PPP2R2A: variants seen among roughly 807,000 people sequenced by gnomAD.
The protein encoded by PPP2R2A is serine/threonine-protein phosphatase 2A 55 kDa regulatory subunit B alpha isoform.
A neutral mutation model predicts 53.2 loss-of-function variants in PPP2R2A; 9 were observed. That is an observed-to-expected ratio of 0.17 (90% CI 0.10 to 0.30). PPP2R2A has a LOEUF of 0.30. Among genes scored for constraint, PPP2R2A ranks in the 10% least tolerant of loss-of-function variants. PPP2R2A has a pLI of 1.00. For missense variants in PPP2R2A, 235 were observed against 534.6 expected (o/e 0.44, Z 5.53); for synonymous variants, 169 against 174.2 (o/e 0.97, Z 0.23).
At chr8:26,345,943 T>C (rs1209546624) in intron 3 of PPP2R2A, among the ~76,000 whole-genome samples, 1 of 152,144 alleles carries the variant, frequency 6.6e-6, no homozygotes, top group Non-Finnish European at 1.5e-5. Context: ...GCTTTGTTGA[T>C]TGGCTGCCTT....
rs372281814 is a variant in PPP2R2A, at chr8:26,366,307, T to C, written c.973-8T>C. ...TTTCAGTGCAGTATATTTGTATTTT[T>C]CCCCCAGGTGCATGAATACCTCAGA... On this transcript the variant is annotated splice_polypyrimidine_tract_variant and splice_region_variant and intron_variant, in intron 8 of 9. Transcript: ENST00000380737. 40 of 1,591,926 alleles carry C rather than the reference T, an allele frequency of 2.5e-5. No individual in the cohort carries two copies. Among genetic ancestry groups the C allele is most frequent in the Non-Finnish European group, 8.5e-6 (10 of 1,170,318 alleles).
intron 2 of PPP2R2A, among the ~76,000 whole-genome samples, chr8:26,329,027 T>C (rs1803234614): frequency 6.6e-6 from 1 of 152,198 alleles, no homozygotes; most frequent in Admixed American, 6.5e-5. Flanking sequence ...TTGGTTAGTT[T>C]ATAGTGATAA....
intron 3 of PPP2R2A, among the ~76,000 whole-genome samples, chr8:26,343,206 C>A (rs941866019): frequency 3.3e-5 from 5 of 151,600 alleles, no homozygotes; most frequent in Admixed American, 2.6e-4. Flanking sequence ...AAATAAAATA[C>A]AGATTTCTAT....
chr8:26,364,543 G>C (rs1460073940), intron 8 of PPP2R2A, among the ~76,000 whole-genome samples: 1 of 152,204 alleles, frequency 6.6e-6, no homozygotes, highest in Non-Finnish European at 1.5e-5. Context: ...CTAGGCCCTA[G>C]ACTGCAGTGT....
chr8:26,355,037 G>A (rs576524267), intron 4 of PPP2R2A, among the ~76,000 whole-genome samples: 1 of 152,268 alleles, frequency 6.6e-6, no homozygotes, highest in Admixed American at 6.5e-5. Flanking sequence ...TACATCATGA[G>A]TGCAAGTGCT....
At position 26,363,701 on chromosome 8, in the gene PPP2R2A, T is replaced by G. The variant is rs762863749; in HGVS notation, c.803-20T>G. 2 of 1,541,388 alleles carry G rather than the reference T, an allele frequency of 1.3e-6. No homozygotes were observed. The highest frequency in any genetic ancestry group is 1.8e-6 in the Non-Finnish European group (2 of 1,139,348). On this transcript the variant is annotated intron_variant, in intron 7 of 9. Transcript: ENST00000380737. ...TATTGTACACCTTGCCCTTTTTGTG[T>G]TGTTTTGTTTTGTTTTTAGTGTTTG...
intron 1 of PPP2R2A, chr8:26,293,186 T>G: frequency 1.3e-6 from 2 of 1,507,584 alleles, no homozygotes; most frequent in Non-Finnish European, 1.8e-6. Flanking sequence ...GTGTAGTGTT[T>G]GCTGTGTGTG....
chr8:26,320,111 C>A (rs964483320), intron 2 of PPP2R2A, among the ~76,000 whole-genome samples: 1 of 152,196 alleles, frequency 6.6e-6, no homozygotes, highest in Non-Finnish European at 1.5e-5. Context: ...CTGGTGAGAT[C>A]AGGTTTGACC....
chr8:26,363,550 C>T (rs1245504031), intron 7 of PPP2R2A, 171 bp from the exon 8 acceptor site: 4 of 556,790 alleles, frequency 7.2e-6, no homozygotes, highest in Non-Finnish European at 8.9e-6. Context: ...TTCAATTAAA[C>T]TAAGAAGCTT....
At chr8:26,356,227 A>G (rs895777361) in intron 4 of PPP2R2A, among the ~76,000 whole-genome samples, 1 of 152,228 alleles carries the variant, frequency 6.6e-6, no homozygotes, top group African/African-American at 2.4e-5. Flanking sequence ...GGGGGAAGAA[A>G]TTCAGCACTT....
At chr8:26,319,007 AT>A (rs1802699731) in intron 2 of PPP2R2A, among the ~76,000 whole-genome samples, 1 of 152,186 alleles carries the variant, frequency 6.6e-6, no homozygotes, top group African/African-American at 2.4e-5. Flanking sequence ...CCATTAAAAC[AT>A]TAACTCCTCA....
intron 2 of PPP2R2A, among the ~76,000 whole-genome samples, chr8:26,335,055 G>A: frequency 6.6e-6 from 1 of 152,150 alleles, no homozygotes; most frequent in Non-Finnish European, 1.5e-5. Flanking sequence ...CTTACAACTA[G>A]GGCTTACCGA....
In PPP2R2A at chr8:26,338,821, T is replaced by TA; in HGVS notation, c.83-67dup. ...ACTTGGAATGTTTGGGAAAACACGC[T>TA]AAGTTCTGAAACTAGTGAGTCGGGA... is the stretch of plus-strand genomic sequence containing the variant. On this transcript the variant is annotated intron_variant, in intron 2 of 9. Transcript: ENST00000380737. This position sits in a 1 kb window ranked among gnomAD's most constrained non-coding sequence, Gnocchi z 4.5. The TA allele has an allele frequency of 1.8e-6, 2 of 1,094,578 alleles. No homozygotes were observed. The highest frequency in any genetic ancestry group is 2.7e-6 in the Non-Finnish European group (2 of 743,062). 67.8% of individuals were successfully genotyped at this position (1,094,578 alleles called of 1,614,324 possible). A position where few individuals can be genotyped will look rare whatever the true frequency, so the allele number is the denominator to read the frequency against.
At chr8:26,294,932 CTGAT>C (rs1358041430) in intron 2 of PPP2R2A, among the ~76,000 whole-genome samples, 1 of 152,172 alleles carries the variant, frequency 6.6e-6, no homozygotes, top group Non-Finnish European at 1.5e-5. Flanking sequence ...AAGAGACTGA[CTGAT>C]GGTCATGCAC....
chr8:26,343,076 A>C (rs1000439369), intron 3 of PPP2R2A, among the ~76,000 whole-genome samples: 1 of 152,024 alleles, frequency 6.6e-6, no homozygotes, highest in Non-Finnish European at 1.5e-5. Flanking sequence ...TATGTGACTG[A>C]AATATGAGGA....
chr8:26,295,498 T>C (rs1390217309), intron 2 of PPP2R2A, among the ~76,000 whole-genome samples: 1 of 152,248 alleles, frequency 6.6e-6, no homozygotes, highest in Non-Finnish European at 1.5e-5. Context: ...CAAAAGATGC[T>C]GAGCAGAAAA....
intron 2 of PPP2R2A, among the ~76,000 whole-genome samples, chr8:26,297,914 C>T (rs186001376): frequency 6.6e-6 from 1 of 152,300 alleles, no homozygotes; most frequent in Non-Finnish European, 1.5e-5. Flanking sequence ...TATACATACT[C>T]TTTGATTCCA....
In PPP2R2A at chr8:26,350,275, G is replaced by A. The variant is rs117919709; in HGVS notation, c.181-4193G>A. On this transcript the variant is annotated intron_variant, in intron 3 of 9. Coordinates refer to ENST00000380737, the MANE Select transcript of PPP2R2A (RefSeq NM_002717.4). Reference sequence around the variant, plus strand: ...AGAGAGAGTTTCACTGTGTTAGCCAGGCTGGTCTCGAACTCGACCTCAGGT... The same window carrying A: ...AGAGAGAGTTTCACTGTGTTAGCCAAGCTGGTCTCGAACTCGACCTCAGGT... Among the ~76,000 whole-genome samples, 812 of 152,182 alleles carry A rather than the reference G, an allele frequency of 5.3e-3. 4 individuals carry two copies. The highest frequency in any genetic ancestry group is 0.017 in the Middle Eastern group (5 of 294).
intron 3 of PPP2R2A, among the ~76,000 whole-genome samples, chr8:26,345,303 A>G (rs1585385905): frequency 6.6e-6 from 1 of 152,184 alleles, no homozygotes; most frequent in East Asian, 1.9e-4. Context: ...TGCTCTCCCT[A>G]GCCTCACACA....
Sources: allele counts gnomAD v4.1 joint callset (sites outside exome capture counted in the v4.1 genomes callset), GRCh38; gene constraint gnomAD v4.1.1; non-coding constraint Gnocchi (gnomAD v3.1); transcripts MANE v1.5; gene names NCBI Gene and HGNC (gene_info 2026-07-23, HGNC 2026-07-21).